The following ABCD3 variants were observed in gnomAD, a reference collection of about 807,000 sequenced individuals.
The protein encoded by ABCD3 is ATP binding cassette subfamily D member 3, also known as ATP-binding cassette sub-family D member 3.
Under a neutral mutation model 105.5 loss-of-function variants are expected in ABCD3, and 41 were observed. That is an observed-to-expected ratio of 0.39 (90% CI 0.30 to 0.50). ABCD3 has a LOEUF of 0.50. ABCD3 is among the 20% of genes least tolerant of loss of function. The probability of loss-of-function intolerance (pLI) is 0.84; values close to 1 mark genes in which losing one functional copy is unlikely to be tolerated. For synonymous variants in ABCD3, 258 were observed against 269.0 expected (o/e 0.96, Z 0.40); for missense variants, 622 against 806.3 (o/e 0.77, Z 2.77).
intron 20 of ABCD3, among the ~76,000 whole-genome samples, chr1:94,500,351 A>T (rs1305830456): frequency 1.3e-5 from 2 of 152,108 alleles, no homozygotes; most frequent in Non-Finnish European, 2.9e-5. Flanking sequence ...AGGCGGAAAG[A>T]TTGCTTGAGC....
At chr1:94,480,350 G>C (rs1648974869) in intron 8 of ABCD3, 114 bp from the exon 9 acceptor site, 1 of 1,336,242 alleles carries the variant, frequency 7.5e-7, no homozygotes, top group Non-Finnish European at 1.1e-6. Context: ...TACCCAGTAG[G>C]GCAATTTCTT....
At chr1:94,390,297 TTTTA>T in the ABCD3 span, among the ~76,000 whole-genome samples, 4 of 152,014 alleles carry the variant, frequency 2.6e-5, no homozygotes. Flanking sequence ...TTTTTTTTAT[TTTTA>T]TTTATTTATT....
At chr1:94,466,594 A>G (rs2100978821) in intron 3 of ABCD3, among the ~76,000 whole-genome samples, 1 of 152,262 alleles carries the variant, frequency 6.6e-6, no homozygotes, top group African/African-American at 2.4e-5. Context: ...GTACGTCCCC[A>G]CAACAAAAAC....
chr1:94,479,397 GTAGTTGT>G (rs978052002), intron 8 of ABCD3, among the ~76,000 whole-genome samples: 4 of 150,820 alleles, frequency 2.7e-5, no homozygotes, highest in African/African-American at 9.7e-5. Context: ...CACATTTGTA[GTAGTTGT>G]TGATATGCAT....
intron 2 of ABCD3, among the ~76,000 whole-genome samples, chr1:94,463,894 G>T (rs1648001693): frequency 2.0e-5 from 3 of 152,074 alleles, no homozygotes; most frequent in African/African-American, 2.4e-5. Flanking sequence ...CTTTGCTACA[G>T]CAATACTGCC....
At chr1:94,401,453 G>A in the ABCD3 span, among the ~76,000 whole-genome samples, 4 of 152,146 alleles carry the variant, frequency 2.6e-5, no homozygotes, top group South Asian at 8.3e-4. Flanking sequence ...CAACAACATA[G>A]GCATCTTTCT....
intron 1 of ABCD3, among the ~76,000 whole-genome samples, chr1:94,454,774 C>G (rs1647462000): frequency 6.6e-6 from 1 of 152,146 alleles, no homozygotes; most frequent in Non-Finnish European, 1.5e-5. Context: ...GCCTCAGCCT[C>G]CCGAGTAGCT....
chr1:94,447,230 T>A (rs1660387160), intron 1 of ABCD3, among the ~76,000 whole-genome samples: 1 of 152,226 alleles, frequency 6.6e-6, no homozygotes, highest in African/African-American at 2.4e-5. Context: ...GAAGGACACA[T>A]AGCTCCAACA....
chr1:94,424,559 A>G (rs1168523999), intron 1 of ABCD3, among the ~76,000 whole-genome samples: 1 of 152,114 alleles, frequency 6.6e-6, no homozygotes, highest in African/African-American at 2.4e-5. Flanking sequence ...AGTAGCTAGG[A>G]CTACAGCCAC....
Position 94,483,238 on chromosome 1 carries a change from T to C in ABCD3, c.896T>C (p.Leu299Pro). The change falls in exon 10 of 23, where the codon CTG becomes CCG. Residue 299 changes from leucine (L) to proline (P), a missense_variant and splice_region_variant. Physicochemically the swap from Leu to Pro is moderately conservative, Grantham distance 98. This residue lies in a region of ABCD3 where 245 missense variants were observed against 356.4 expected (regional missense o/e 0.69). Coordinates refer to ENST00000370214, the MANE Select transcript of ABCD3 (RefSeq NM_002858.4). ...ACAGTCCACTCAGTCTTCCGAAAAC[T>C]GGTAAGATAACACACTTGAGGTTCA... ...KQTVHSVFRK[L>P]VEHLHNFILF... 1 of 1,612,256 alleles carries C rather than the reference T, an allele frequency of 6.2e-7. No individual in the cohort carries two copies. Among genetic ancestry groups the C allele is most frequent in the Non-Finnish European group, 8.5e-7 (1 of 1,178,430 alleles).
intron 1 of ABCD3, among the ~76,000 whole-genome samples, chr1:94,458,246 T>C (rs1647685008): frequency 1.3e-5 from 2 of 152,232 alleles, no homozygotes; most frequent in Admixed American, 1.3e-4. Flanking sequence ...CCTCTGTTTG[T>C]GTCAGTTTGC....
intron 20 of ABCD3, among the ~76,000 whole-genome samples, chr1:94,501,999 T>G (rs1462716356): frequency 2.0e-5 from 3 of 152,130 alleles, no homozygotes; most frequent in Non-Finnish European, 4.4e-5. Context: ...CCTCCTTTCC[T>G]GTCCAGTACA....
rs546733065 is a variant in ABCD3, at chr1:94,499,097, T to A, written c.1620+63T>A. ...CTCCAGATTATTTATTTTAATCAAT[T>A]AAGTATTTTAAATGCCAGGTAGTTT... On this transcript the variant is annotated intron_variant, in intron 19 of 22. Transcript: ENST00000370214. 4.2e-5 allele frequency: 59 copies of A among 1,404,646 alleles called. No homozygotes were observed. In the African/African-American group the frequency reaches 8.0e-4, roughly 19 times the overall value. 87.0% of individuals were successfully genotyped at this position (1,404,646 alleles called of 1,614,324 possible).
the ABCD3 span, among the ~76,000 whole-genome samples, chr1:94,387,929 C>T: frequency 6.6e-6 from 1 of 152,102 alleles, no homozygotes. Flanking sequence ...TTTCTGTTTT[C>T]CTGCACTGAG....
chr1:94,517,338 A>G lies in ABCD3; in HGVS notation c.*209A>G, dbSNP rs1170578571. On this transcript the variant is annotated 3_prime_UTR_variant, in exon 23 of 23. Transcript: ENST00000370214. ...TGCTAATTGTGTATATGTTGGTTTA[A>G]TTAATAATATGTACTAAGAATGTCC... 2 of 488,432 alleles carry G rather than the reference A, an allele frequency of 4.1e-6. No homozygotes were observed. Among genetic ancestry groups the G allele is most frequent in the African/African-American group, 3.9e-5 (2 of 50,756 alleles). The allele number at this position is 488,432 out of a possible 1,614,324, so 30.3% of individuals were successfully genotyped here. A position where few individuals can be genotyped will look rare whatever the true frequency, so the allele number is the denominator to read the frequency against.
chr1:94,403,515 AAAT>A, the ABCD3 span, among the ~76,000 whole-genome samples: 3 of 152,166 alleles, frequency 2.0e-5, no homozygotes, highest in Non-Finnish European at 4.4e-5. Context: ...GATTGTCACA[AAAT>A]AATAATTTTC....
chr1:94,429,930 G>A (rs1377740938), intron 1 of ABCD3, among the ~76,000 whole-genome samples: 1 of 152,212 alleles, frequency 6.6e-6, no homozygotes, highest in Admixed American at 6.5e-5. Flanking sequence ...TGTGCGCCTG[G>A]AAAAACTGCA....
At chr1:94,413,811 C>T (rs1658955396), upstream of ABCD3, among the ~76,000 whole-genome samples, 1 of 152,106 alleles carries the variant, frequency 6.6e-6, no homozygotes, top group Non-Finnish European at 1.5e-5. Context: ...ATCTGCCTCC[C>T]CAGACACCCT....
At chr1:94,475,274 T>G (rs1236935281) in intron 6 of ABCD3, 34 bp downstream of exon 6, 3 of 1,298,980 alleles carry the variant, frequency 2.3e-6, no homozygotes, top group East Asian at 5.1e-5. Context: ...TTAAAAATAT[T>G]TAAATAGAAG....
Sources: gnomAD v4.1 joint callset for allele counts (sites outside exome capture counted in the v4.1 genomes callset) on GRCh38, gnomAD v4.1.1 for gene constraint, gnomAD v4.1.1 regional missense constraint, MANE v1.5 for transcripts, NCBI Gene and HGNC (gene_info 2026-07-23, HGNC 2026-07-21) for gene names.